Variants in ADGRL2 observed in about 807,000 individuals in gnomAD.
The protein encoded by ADGRL2 is calcium-independent alpha-latrotoxin receptor 2.
A neutral mutation model predicts 157.4 loss-of-function variants in ADGRL2; 44 were observed. The observed-to-expected ratio is 0.28, with a 90% CI of 0.22 to 0.36. The LOEUF (loss-of-function observed/expected upper bound fraction) is 0.36, where lower values mean the gene tolerates loss of function less well. Among genes scored for constraint, ADGRL2 ranks in the 10% least tolerant of loss-of-function variants. The pLI is 1.00. For synonymous variants in ADGRL2, 585 were observed against 624.7 expected (o/e 0.94, Z 0.95); for missense variants, 1,510 against 1,768.9 (o/e 0.85, Z 2.63).
chr1:81,789,228 A>G (rs536654567), intron 2 of ADGRL2, among the ~76,000 whole-genome samples: 2 of 152,288 alleles, frequency 1.3e-5, no homozygotes, highest in Admixed American at 1.3e-4. Context: ...GAGAGATTCT[A>G]AGGAGCTTAC....
intron 1 of ADGRL2, among the ~76,000 whole-genome samples, chr1:81,756,959 G>A (rs1265748846): frequency 2.6e-5 from 4 of 152,084 alleles, no homozygotes; most frequent in African/African-American, 9.7e-5. Flanking sequence ...ATAAGGAAAC[G>A]TTCATGAAGT....
intron 2 of ADGRL2, among the ~76,000 whole-genome samples, chr1:81,548,264 C>A (rs933445253): frequency 1.3e-5 from 2 of 151,946 alleles, no homozygotes; most frequent in African/African-American, 4.8e-5. Flanking sequence ...TCACAATCAA[C>A]TAAATTGATT....
intron 1 of ADGRL2, among the ~76,000 whole-genome samples, chr1:81,319,095 C>A (rs1389188949): frequency 2.6e-5 from 4 of 151,518 alleles, no homozygotes; most frequent in African/African-American, 9.7e-5. Context: ...GCATGCACCA[C>A]CACCCCGGCT....
At chr1:81,837,766 T>C (rs1453821037) in intron 2 of ADGRL2, among the ~76,000 whole-genome samples, 1 of 151,998 alleles carries the variant, frequency 6.6e-6, no homozygotes, top group African/African-American at 2.4e-5. Context: ...TATATAGATT[T>C]CTGGAATCCA....
chr1:81,310,624 G>A lies in ADGRL2; in HGVS notation c.-302+4115G>A, dbSNP rs563170591. On this transcript the variant is annotated intron_variant, in intron 1 of 24. Transcript: ENST00000370721. ...CCCTGTATATCCACAACCTCTATCT[G>A]CTGGCAGGCAGAAAGCCCAAGAACC... Among the ~76,000 whole-genome samples, 3 of 152,252 alleles carry A rather than the reference G, an allele frequency of 2.0e-5. 1 individual carries two copies. The highest frequency in any genetic ancestry group is 7.2e-5 in the African/African-American group (3 of 41,542).
chr1:81,991,148 A>G lies in ADGRL2; in HGVS notation c.*3A>G, dbSNP rs537160014. 17 of 1,595,974 alleles carry G rather than the reference A, an allele frequency of 1.1e-5. No homozygotes were observed. Among genetic ancestry groups the G allele is most frequent in the Admixed American group, 1.7e-5 (1 of 59,268 alleles). ...TGCAGCTGGTTACAAGTCTTTAATC[A>G]TACAGCTAAGGAATTCCAAGGGCCA... is the stretch of plus-strand genomic sequence containing the variant. On this transcript the variant is annotated 3_prime_UTR_variant, in exon 24 of 24. Coordinates refer to ENST00000686636, the MANE Select transcript of ADGRL2 (RefSeq NM_001366006.2).
chr1:81,465,464 A>T (rs576191453), intron 2 of ADGRL2, among the ~76,000 whole-genome samples: 1 of 152,212 alleles, frequency 6.6e-6, no homozygotes, highest in African/African-American at 2.4e-5. Context: ...ATTTCGTTCC[A>T]TGTTTAGAAG....
intron 17 of ADGRL2, among the ~76,000 whole-genome samples, chr1:81,973,075 A>C (rs1659227048): frequency 6.6e-6 from 1 of 152,164 alleles, no homozygotes. Context: ...ATGGTTAAGC[A>C]GTGTTTCATG....
At chr1:81,495,139 CACAGAGGAATAACGATTCAGAG>C (rs1235940514) in intron 2 of ADGRL2, among the ~76,000 whole-genome samples, 22 of 152,046 alleles carry the variant, frequency 1.4e-4, no homozygotes, top group Non-Finnish European at 5.9e-5. Context: ...TTACTTTGCC[CACAGAGGAATAACGATTCAGAG>C]AAAATCAGTA....
chr1:81,786,793 G>A (rs1245202472), intron 2 of ADGRL2, among the ~76,000 whole-genome samples: 2 of 152,118 alleles, frequency 1.3e-5, no homozygotes, highest in Non-Finnish European at 2.9e-5. Context: ...GCTATATTGT[G>A]TTTTTATTTA....
In ADGRL2 at chr1:81,884,174, C is replaced by T. The variant is rs191201759; in HGVS notation, c.74-22843C>T. 2.1e-3 allele frequency among the ~76,000 whole-genome samples: 325 copies of T among 152,008 alleles called. 5 individuals carry two copies. Among genetic ancestry groups the T allele is most frequent in the Non-Finnish European group, 1.2e-3 (84 of 67,962 alleles). On this transcript the variant is annotated intron_variant, in intron 2 of 23. Coordinates refer to ENST00000686636, the MANE Select transcript of ADGRL2 (RefSeq NM_001366006.2). ...CTAACTTTTGTACTTTTTGTAGAGA[C>T]GGGGTTTTGCCACATTACCCAGGCT...
chr1:81,527,422 G>A (rs1169440355), intron 2 of ADGRL2, among the ~76,000 whole-genome samples: 1 of 152,122 alleles, frequency 6.6e-6, no homozygotes, highest in Non-Finnish European at 1.5e-5. Flanking sequence ...CCTTATAAAA[G>A]CGGTCGAAGT....
rs1345847160 is a variant in ADGRL2 at position 81,322,113 on chromosome 1, C to CATATATATATAT, written c.-302+15615_-302+15616insTATATATATATA. 2.6e-4 allele frequency among the ~76,000 whole-genome samples: 29 copies of CATATATATATAT among 112,100 alleles called. 1 individual carries two copies. The highest frequency in any genetic ancestry group is 9.2e-4 in the African/African-American group (26 of 28,120). The allele number at this position is 112,100 out of a possible 152,430, so 73.5% of individuals were successfully genotyped here. ...ATATATATATATATATATATATACA[C>CATATATATATAT]ATATATATATACACACACACACGTA... On this transcript the variant is annotated intron_variant, in intron 1 of 24. Transcript: ENST00000370721.
chr1:81,496,827 A>G lies in ADGRL2; in HGVS notation c.-248+51738A>G, dbSNP rs544317647. 2.1e-4 allele frequency among the ~76,000 whole-genome samples: 31 copies of G among 149,218 alleles called. No individual in the cohort carries two copies. The South Asian group carries it at 6.0e-3, about 29-fold the overall frequency. ...CAAGTGTAGATCAATTACCCTGATG[A>G]CAAATAAATATAATGAACTTTCAAA... is the stretch of plus-strand genomic sequence containing the variant. On this transcript the variant is annotated intron_variant, in intron 2 of 24. Transcript: ENST00000370721.
Position 81,356,650 on chromosome 1 carries a change from G to A in ADGRL2, c.-302+50141G>A, listed in dbSNP as rs145486288. On this transcript the variant is annotated intron_variant, in intron 1 of 24. Coordinates refer to the ADGRL2 transcript ENST00000370721. ...GGGATGTTTCTGTTTGTCTTCAGGAGAGCATTAAGAAGTTTCTTTTTGGCT... is the reference window on the plus strand; with the variant it reads ...GGGATGTTTCTGTTTGTCTTCAGGAAAGCATTAAGAAGTTTCTTTTTGGCT... 6.3e-3 allele frequency among the ~76,000 whole-genome samples: 956 copies of A among 152,192 alleles called. 6 individuals carry two copies. Among genetic ancestry groups the A allele is most frequent in the African/African-American group, 0.021 (863 of 41,528 alleles).
intron 19 of ADGRL2, chr1:81,984,359 A>G: frequency 2.6e-6 from 1 of 388,936 alleles, no homozygotes; most frequent in Non-Finnish European, 4.6e-6. Flanking sequence ...GTTATATCAC[A>G]TTTTAAAGAC....
chr1:81,914,798 T>G (rs1193371669), intron 3 of ADGRL2, among the ~76,000 whole-genome samples: 4 of 152,194 alleles, frequency 2.6e-5, no homozygotes, highest in African/African-American at 9.7e-5. Context: ...TATAGATTCT[T>G]GAATTTTAGT....
chr1:81,386,430 TTCC>T (rs977938600), intron 1 of ADGRL2, among the ~76,000 whole-genome samples: 1 of 152,128 alleles, frequency 6.6e-6, no homozygotes, highest in African/African-American at 2.4e-5. Context: ...ATCCTTCTTC[TTCC>T]TCCCCTATTT....
At chr1:81,748,971 T>C (rs990757218) in intron 1 of ADGRL2, among the ~76,000 whole-genome samples, 8 of 152,158 alleles carry the variant, frequency 5.3e-5, no homozygotes, top group Non-Finnish European at 1.2e-4. Flanking sequence ...CCCGGCCTCA[T>C]TCTTATTCTA....
Sources: allele counts gnomAD v4.1 joint callset (sites outside exome capture counted in the v4.1 genomes callset), GRCh38; gene constraint gnomAD v4.1.1; transcripts MANE v1.5; gene names NCBI Gene and HGNC (gene_info 2026-07-23, HGNC 2026-07-21).